The following TIA1 variants were observed in gnomAD, a reference collection of about 807,000 sequenced individuals.
TIA1 encodes the protein TIA1 cytotoxic granule associated RNA binding protein.
In TIA1, 23 loss-of-function variants were observed where a neutral mutation model predicts 65.9. That is an observed-to-expected ratio of 0.35 (90% CI 0.25 to 0.49). TIA1 has a LOEUF of 0.49. Among genes scored for constraint, TIA1 ranks in the 20% least tolerant of loss-of-function variants. TIA1 has a pLI of 0.98. For missense variants in TIA1, 371 were observed against 477.9 expected (o/e 0.78, Z 2.09); for synonymous variants, 147 against 149.4 (o/e 0.98, Z 0.12).
At chr2:70,224,433 G>A in intron 7 of TIA1, 121 bp downstream of exon 7, 1 of 1,371,330 alleles carries the variant, frequency 7.3e-7, no homozygotes. Flanking sequence ...ATCTTCTAGT[G>A]AGGGTTTATT....
chr2:70,224,167 C>T (rs1682807991), intron 7 of TIA1, among the ~76,000 whole-genome samples: 1 of 152,196 alleles, frequency 6.6e-6, no homozygotes, highest in South Asian at 2.1e-4. Context: ...ATCCACCCGC[C>T]TCAGCCTCCC....
At chr2:70,229,349 T>C (rs1685113002) in intron 3 of TIA1, 31 bp from the exon 4 acceptor site, 1 of 1,575,304 alleles carries the variant, frequency 6.3e-7, no homozygotes, top group Non-Finnish European at 8.6e-7. Flanking sequence ...CATTTATACT[T>C]CACAAAAATA....
intron 1 of TIA1, among the ~76,000 whole-genome samples, chr2:70,237,971 C>T (rs984029820): frequency 1.3e-5 from 2 of 151,842 alleles, no homozygotes; most frequent in African/African-American, 4.8e-5. Flanking sequence ...ACCATCCTGG[C>T]TAACACGATG....
chr2:70,229,226 A>G (rs1442514278), intron 4 of TIA1, 38 bp downstream of exon 4: 6 of 1,611,882 alleles, frequency 3.7e-6, no homozygotes. Flanking sequence ...ACTGGGTACA[A>G]TAAAAACAAA....
chr2:70,214,664 A>C (rs1461311328), intron 11 of TIA1, among the ~76,000 whole-genome samples, 170 bp from the exon 12 acceptor site: 1 of 152,026 alleles, frequency 6.6e-6, no homozygotes, highest in South Asian at 2.1e-4. Flanking sequence ...AAAAACAAAA[A>C]ACAACAACAA....
chr2:70,234,086 C>T (rs758033386), intron 2 of TIA1, among the ~76,000 whole-genome samples: 1 of 152,138 alleles, frequency 6.6e-6, no homozygotes, highest in Non-Finnish European at 1.5e-5. Context: ...GATCTTTCCC[C>T]AGGGAAACAT....
intron 3 of TIA1, among the ~76,000 whole-genome samples, chr2:70,230,008 A>G (rs1165626804): frequency 1.3e-5 from 2 of 151,466 alleles, no homozygotes; most frequent in Non-Finnish European, 2.9e-5. Context: ...GGAGGCCGAG[A>G]CGGGCAGATC....
At chr2:70,242,124 A>G (rs901338259) in intron 1 of TIA1, among the ~76,000 whole-genome samples, 18 of 152,144 alleles carry the variant, frequency 1.2e-4, no homozygotes, top group Admixed American at 7.9e-4. Flanking sequence ...GGGATGCTAG[A>G]TGAAGGTTAT....
chr2:70,218,119 G>C (rs74619440), intron 7 of TIA1, among the ~76,000 whole-genome samples: 10,930 of 152,246 alleles, frequency 0.072, 429 homozygotes, highest in East Asian at 0.18. Context: ...ACCTATGACA[G>C]AAACAAAAGG....
intron 12 of TIA1, among the ~76,000 whole-genome samples, chr2:70,213,112 C>A (rs1419410563): frequency 6.6e-6 from 1 of 152,102 alleles, no homozygotes; most frequent in Non-Finnish European, 1.5e-5. Context: ...TATCAACATT[C>A]ATCTCCTTTG....
intron 6 of TIA1, chr2:70,225,291 A>T: frequency 8.0e-7 from 1 of 1,250,824 alleles, no homozygotes; most frequent in South Asian, 1.4e-5. Context: ...ATAAAAGCAA[A>T]ATTTTAAAAA....
At chr2:70,230,975 T>C in intron 2 of TIA1, 121 bp from the exon 3 acceptor site, 1 of 653,886 alleles carries the variant, frequency 1.5e-6, no homozygotes, top group Non-Finnish European at 2.6e-6. Flanking sequence ...CCATGGAGAA[T>C]GAATGGTCTA....
chr2:70,237,724 C>T (rs1373212735), intron 1 of TIA1, among the ~76,000 whole-genome samples: 7 of 151,696 alleles, frequency 4.6e-5, no homozygotes, highest in Admixed American at 3.9e-4. Context: ...ATTAGCCGGG[C>T]GTGGTGGCGC....
At chr2:70,238,033 C>T (rs1689838623) in intron 1 of TIA1, among the ~76,000 whole-genome samples, 2 of 151,126 alleles carry the variant, frequency 1.3e-5, no homozygotes, top group Admixed American at 6.6e-5. Context: ...TGGTGGTGGG[C>T]GCCTGTAGTC....
chr2:70,224,854 A>G lies in TIA1; in HGVS notation c.399-225T>C. 3 of 1,268,372 alleles carry G rather than the reference A, an allele frequency of 2.4e-6. 1 individual carries two copies. The highest frequency in any genetic ancestry group is 5.3e-5 in the South Asian group (2 of 37,914). The allele number at this position is 1,268,372 out of a possible 1,614,324, so 78.6% of individuals were successfully genotyped here. On this transcript the variant is annotated intron_variant, in intron 6 of 12. Coordinates refer to ENST00000433529, the MANE Select transcript of TIA1 (RefSeq NM_022173.4). ...GTATATATGTATATTTATATTGTACAGAAATTGCCTCTCTCTTCAAAAAAC... is the reference window on the plus strand; with the variant it reads ...GTATATATGTATATTTATATTGTACGGAAATTGCCTCTCTCTTCAAAAAAC...
chr2:70,232,446 A>T (rs1686853037), intron 2 of TIA1, among the ~76,000 whole-genome samples: 1 of 134,082 alleles, frequency 7.5e-6, no homozygotes, highest in Non-Finnish European at 1.5e-5. Context: ...AGGCTGAGGC[A>T]GGAGAATCGC....
chr2:70,213,657 CTT>C (rs199690023), intron 12 of TIA1, among the ~76,000 whole-genome samples: 5 of 140,620 alleles, frequency 3.6e-5, no homozygotes, highest in Admixed American at 2.1e-4. Flanking sequence ...CCACAAAATC[CTT>C]TTTTTTTTTT....
At chr2:70,222,125 A>AAAAAC (rs1681680534) in intron 7 of TIA1, among the ~76,000 whole-genome samples, 2 of 149,258 alleles carry the variant, frequency 1.3e-5, no homozygotes, top group African/African-American at 4.9e-5. Flanking sequence ...CTGTTAAAAC[A>AAAAAC]AAAACAAAAC....
chr2:70,217,010 T>G lies in TIA1; in HGVS notation c.475-16A>C. Reference sequence around the variant, plus strand: ...TTTCAGCATCCTGTTCCGTACAACATTAGAAACAATAAAGAAGTCACTATT... The same window carrying G: ...TTTCAGCATCCTGTTCCGTACAACAGTAGAAACAATAAAGAAGTCACTATT... On this transcript the variant is annotated splice_polypyrimidine_tract_variant and intron_variant, in intron 7 of 12. Coordinates refer to ENST00000433529, the MANE Select transcript of TIA1 (RefSeq NM_022173.4). The G allele has an allele frequency of 6.3e-7, 1 of 1,596,746 alleles. No homozygotes were observed. The highest frequency in any genetic ancestry group is 1.1e-5 in the South Asian group (1 of 87,462).
Sources: gnomAD v4.1 joint callset for allele counts (sites outside exome capture counted in the v4.1 genomes callset) on GRCh38, gnomAD v4.1.1 for gene constraint, MANE v1.5 for transcripts, NCBI Gene and HGNC (gene_info 2026-07-23, HGNC 2026-07-21) for gene names.